The following PCDHA12 variants were observed in gnomAD, a reference collection of about 807,000 sequenced individuals.
PCDHA12 encodes the protein protocadherin alpha 12, also known as protocadherin alpha-12.
PCDHA12 carries 44 observed loss-of-function variants against 60.0 expected under a neutral mutation model. That is an observed-to-expected ratio of 0.73 (90% CI 0.58 to 0.94). The LOEUF (loss-of-function observed/expected upper bound fraction) is 0.94, where lower values mean the gene tolerates loss of function less well. PCDHA12 is among the 40% of genes least tolerant of loss of function. The probability of loss-of-function intolerance (pLI) is 0.00; values close to 1 mark genes in which losing one functional copy is unlikely to be tolerated. For synonymous variants in PCDHA12, 569 were observed against 553.0 expected (o/e 1.03, Z -0.40); for missense variants, 1,276 against 1,239.7 (o/e 1.03, Z -0.44).
chr5:140,967,044 A>G, intron 1 of PCDHA12: 3 of 1,612,116 alleles, frequency 1.9e-6, no homozygotes, highest in Non-Finnish European at 2.5e-6. Context: ...CTGGAGCTGG[A>G]CCTGACGAGT....
rs375771604 is a variant in PCDHA12, at chr5:140,876,994, G to A, written c.1522G>A (p.Val508Met). ...RVGEHALSSY[V>M]SVHAESGKVY... ...GGGCGAGCACGCACTGTCGAGCTAC[G>A]TGTCGGTGCACGCGGAGAGCGGCAA... Residue 508 changes from valine (V) to methionine (M), a missense_variant, in exon 1 of 4, where the codon GTG becomes ATG. By Grantham distance (21) the Val-to-Met change is conservative. Transcript: ENST00000398631. The A allele has an allele frequency of 5.6e-6, 9 of 1,612,502 alleles. No individual in the cohort carries two copies. The highest frequency in any genetic ancestry group is 5.0e-5 in the Admixed American group (3 of 59,998).
intron 3 of PCDHA12, among the ~76,000 whole-genome samples, chr5:140,991,807 C>T (rs782693963): frequency 4.6e-5 from 7 of 152,278 alleles, no homozygotes; most frequent in Admixed American, 6.5e-5. Context: ...AGGCCACTTC[C>T]GCATTTTTAG....
At chr5:140,950,579 A>G (rs2094498747) in intron 1 of PCDHA12, among the ~76,000 whole-genome samples, 1 of 151,956 alleles carries the variant, frequency 6.6e-6, no homozygotes, top group African/African-American at 2.4e-5. Flanking sequence ...TTTTCTACTT[A>G]CCTTTGGTTT....
chr5:140,967,020 C>G (rs782147091), intron 1 of PCDHA12: 4 of 1,607,570 alleles, frequency 2.5e-6, no homozygotes, highest in African/African-American at 1.3e-5. Flanking sequence ...CTGGGTGCGC[C>G]CAGTCCGCGC....
intron 1 of PCDHA12, among the ~76,000 whole-genome samples, chr5:140,917,332 G>C (rs182473611): frequency 8.9e-5 from 13 of 145,644 alleles, no homozygotes; most frequent in East Asian, 6.0e-4. Flanking sequence ...GGCGGGGGAG[G>C]GGGGGGATGG....
chr5:140,994,229 A>G (rs1488908759), intron 3 of PCDHA12, among the ~76,000 whole-genome samples: 3 of 152,188 alleles, frequency 2.0e-5, no homozygotes, highest in African/African-American at 7.2e-5. Flanking sequence ...TGTCTATGTT[A>G]TAATCAATTC....
intron 3 of PCDHA12, among the ~76,000 whole-genome samples, chr5:140,999,657 C>A (rs1257419150): frequency 6.6e-6 from 1 of 152,156 alleles, no homozygotes; most frequent in Non-Finnish European, 1.5e-5. Flanking sequence ...CTGAGCCCTG[C>A]TGGGTTGCGG....
At chr5:140,979,086 G>A in intron 2 of PCDHA12, 79 bp downstream of exon 2, 3 of 1,561,050 alleles carry the variant, frequency 1.9e-6, no homozygotes, top group South Asian at 2.4e-5. Flanking sequence ...CCATAGGCCA[G>A]AAGCAGCTGT....
chr5:141,010,225 C>T lies in PCDHA12; in HGVS notation c.*288C>T. The T allele has an allele frequency of 6.4e-7, 1 of 1,551,848 alleles. No homozygotes were observed. The highest frequency in any genetic ancestry group is 8.7e-7 in the Non-Finnish European group (1 of 1,147,026). The stretch of plus-strand genomic sequence containing the variant: ...CCGCCGCAAAGGAGAGGCTTCCCAG[C>T]CCCGCCAGTGAGAGGTTGGACTCTC... On this transcript the variant is annotated 3_prime_UTR_variant, in exon 4 of 4. Coordinates refer to ENST00000398631, the MANE Select transcript of PCDHA12 (RefSeq NM_018903.4).
chr5:140,883,230 A>T (rs1554177225), intron 1 of PCDHA12: 1 of 1,614,082 alleles, frequency 6.2e-7, no homozygotes, highest in African/African-American at 1.3e-5. Flanking sequence ...ATATCCGTGG[A>T]GGCAGTTGAC....
At chr5:140,908,142 A>G (rs1371459142) in intron 1 of PCDHA12, among the ~76,000 whole-genome samples, 1 of 152,158 alleles carries the variant, frequency 6.6e-6, no homozygotes, top group Non-Finnish European at 1.5e-5. Flanking sequence ...TCCTTCAGGT[A>G]TGTCCTAGGA....
intron 3 of PCDHA12, among the ~76,000 whole-genome samples, chr5:140,995,652 C>T (rs1018975214): frequency 2.0e-5 from 3 of 151,828 alleles, no homozygotes; most frequent in East Asian, 1.9e-4. Context: ...AAAGGAGAAT[C>T]GAAAAGGGAA....
At chr5:140,882,212 G>A in intron 1 of PCDHA12, 1 of 1,539,436 alleles carries the variant, frequency 6.5e-7, no homozygotes. Context: ...TTGAGAGACA[G>A]TTTGAGGTAA....
chr5:140,969,184 C>A (rs1381646688), intron 1 of PCDHA12: 1 of 1,613,998 alleles, frequency 6.2e-7, no homozygotes, highest in Non-Finnish European at 8.5e-7. Flanking sequence ...GTGACACTTT[C>A]ATGTTTTACA....
intron 3 of PCDHA12, among the ~76,000 whole-genome samples, chr5:140,989,192 C>A (rs1458235302): frequency 6.6e-6 from 1 of 152,192 alleles, no homozygotes; most frequent in African/African-American, 2.4e-5. Context: ...GAATTACCCT[C>A]CCTTCTAGCT....
In PCDHA12 at chr5:140,875,686, G is replaced by A; in HGVS notation, c.214G>A (p.Gly72Arg). 6.2e-7 allele frequency: 1 copy of A among 1,613,582 alleles called. No homozygotes were observed. Among genetic ancestry groups the A allele is most frequent in the Non-Finnish European group, 8.5e-7 (1 of 1,179,894 alleles). The change falls in exon 1 of 4, where the codon GGG becomes AGG. Residue 72 changes from glycine (G) to arginine (R), a missense_variant. Transcript: ENST00000398631. ...RLFRVASKRH[G>R]DLLEVNLQNG... The stretch of plus-strand genomic sequence containing the variant: ...GTTCCGGGTGGCGTCCAAAAGACAC[G>A]GGGACCTTCTGGAGGTAAATCTGCA...
chr5:140,927,340 G>C, intron 1 of PCDHA12: 1 of 1,614,030 alleles, frequency 6.2e-7, no homozygotes, highest in Non-Finnish European at 8.5e-7. Flanking sequence ...GAATGCCCAA[G>C]ATGACGACGA....
In PCDHA12 at chr5:140,877,670, C is replaced by A; in HGVS notation, c.2198C>A (p.Ala733Glu). ...GCGCCGCCCACCGTGAGCCGGTGCG[C>A]GCCGGGCAAGCCCACGCTGGTGTGC... is the stretch of plus-strand genomic sequence containing the variant. ...CSAPPTVSRCAPGKPTLVCSS... is the reference protein window; with the variant it reads ...CSAPPTVSRCEPGKPTLVCSS... Residue 733 changes from alanine to glutamate, a missense_variant, in exon 1 of 4, where the codon GCG becomes GAG. Ala to Glu is a moderately radical substitution (Grantham distance 107). Transcript: ENST00000398631. 1 of 1,613,654 alleles carries A rather than the reference C, an allele frequency of 6.2e-7. No homozygotes were observed. Among genetic ancestry groups the A allele is most frequent in the Non-Finnish European group, 8.5e-7 (1 of 1,179,842 alleles).
At chr5:140,889,705 CA>C (rs1440108575) in intron 1 of PCDHA12, among the ~76,000 whole-genome samples, 2 of 152,132 alleles carry the variant, frequency 1.3e-5, no homozygotes, top group Non-Finnish European at 1.5e-5. Flanking sequence ...GCATATTCCA[CA>C]AGTTCTTTGC....
Sources: gnomAD v4.1 joint callset for allele counts (sites outside exome capture counted in the v4.1 genomes callset) on GRCh38, gnomAD v4.1.1 for gene constraint, MANE v1.5 for transcripts, NCBI Gene and HGNC (gene_info 2026-07-23, HGNC 2026-07-21) for gene names.